The following PLD5 variants were observed in gnomAD, a reference collection of about 807,000 sequenced individuals.
PLD5 encodes inactive phospholipase D5.
PLD5 carries 36 observed loss-of-function variants against 61.1 expected under a neutral mutation model. That is an observed-to-expected ratio of 0.59 (90% CI 0.45 to 0.78). The LOEUF is 0.78. PLD5 is among the 30% of genes least tolerant of loss of function. The pLI, the probability that PLD5 is intolerant of heterozygous loss-of-function variation, is 0.00. For missense variants in PLD5, 515 were observed against 644.4 expected (o/e 0.80, Z 2.17); for synonymous variants, 243 against 242.8 (o/e 1.00, Z -0.01).
chr1:242,360,109 A>C (rs1210688605), intron 1 of PLD5, among the ~76,000 whole-genome samples: 1 of 152,158 alleles, frequency 6.6e-6, no homozygotes, highest in Middle Eastern at 3.2e-3. Context: ...GATCAAAATC[A>C]CTTGTAAAAA....
At position 242,396,668 on chromosome 1, in the gene PLD5, C is replaced by CTTTCTTTTT. The variant is rs1479365427; in HGVS notation, c.190-48427_190-48426insAAAAAGAAA. Among the ~76,000 whole-genome samples the CTTTCTTTTT allele has an allele frequency of 1.1e-3, 142 of 125,088 alleles. 1 individual carries two copies. Among genetic ancestry groups the CTTTCTTTTT allele is most frequent in the South Asian group, 1.8e-3 (7 of 3,842 alleles). The allele number at this position is 125,088 out of a possible 152,430, so 82.1% of individuals were successfully genotyped here. On this transcript the variant is annotated intron_variant, in intron 1 of 9. Coordinates refer to ENST00000536534, the MANE Select transcript of PLD5 (RefSeq NM_001372062.1). ...GCATGCTATTTTCTTTCTTTCTTTT[C>CTTTCTTTTT]TTTTCTTTTTTTTTTTTTTTTTTGA...
At chr1:242,332,752 C>G (rs755004696) in intron 2 of PLD5, among the ~76,000 whole-genome samples, 1 of 152,198 alleles carries the variant, frequency 6.6e-6, no homozygotes, top group Non-Finnish European at 1.5e-5. Flanking sequence ...TGAAGTGTTT[C>G]TAGTCCACAT....
chr1:242,514,571 A>G (rs1303433171), intron 1 of PLD5, among the ~76,000 whole-genome samples: 3 of 152,120 alleles, frequency 2.0e-5, no homozygotes, highest in Non-Finnish European at 4.4e-5. Flanking sequence ...CTTCACATGT[A>G]CCCGCCCAAG....
chr1:242,266,123 C>G (rs772938702), intron 3 of PLD5, among the ~76,000 whole-genome samples: 1 of 152,212 alleles, frequency 6.6e-6, no homozygotes, highest in Non-Finnish European at 1.5e-5. Flanking sequence ...TGCCTCTAAT[C>G]CCAGAACTTT....
At chr1:242,214,300 C>A (rs1024771404) in intron 5 of PLD5, among the ~76,000 whole-genome samples, 2 of 152,196 alleles carry the variant, frequency 1.3e-5, no homozygotes, top group African/African-American at 4.8e-5. Flanking sequence ...CTGATACTGG[C>A]TGTGGAGAAT....
intron 1 of PLD5, among the ~76,000 whole-genome samples, chr1:242,364,558 A>G (rs1261273036): frequency 6.6e-6 from 1 of 152,018 alleles, no homozygotes; most frequent in Non-Finnish European, 1.5e-5. Context: ...CTCTATTAAA[A>G]ATACAAAATT....
rs78242608 is a variant in PLD5, at chr1:242,490,694, A to C, written c.189+33394T>G. Among the ~76,000 whole-genome samples the C allele has an allele frequency of 9.4e-3, 1,424 of 152,284 alleles. 28 individuals are homozygous for C. Among genetic ancestry groups the C allele is most frequent in the African/African-American group, 0.032 (1,323 of 41,548 alleles). ...GTAGAACCCACATCTGCATTACAGA[A>C]TTCCTCAATGTTCATCTCTTTTTTA... On this transcript the variant is annotated intron_variant, in intron 1 of 9. Transcript: ENST00000536534.
At chr1:242,428,899 G>C (rs1665570980) in intron 1 of PLD5, among the ~76,000 whole-genome samples, 2 of 152,188 alleles carry the variant, frequency 1.3e-5, no homozygotes, top group Non-Finnish European at 2.9e-5. Context: ...TGTTCCTTTA[G>C]TTAGGGTCAG....
chr1:242,283,070 C>T (rs1392589313), intron 3 of PLD5, among the ~76,000 whole-genome samples: 3 of 152,120 alleles, frequency 2.0e-5, no homozygotes, highest in Admixed American at 2.0e-4. Flanking sequence ...CAAACAGCAA[C>T]CTTTTGGAGG....
intron 1 of PLD5, among the ~76,000 whole-genome samples, chr1:242,474,541 C>A (rs1328620261): frequency 6.6e-6 from 1 of 152,190 alleles, no homozygotes; most frequent in African/African-American, 2.4e-5. Context: ...AGAGCCTAAA[C>A]TGGTCTCCCT....
At chr1:242,271,299 T>C (rs1018944986) in intron 3 of PLD5, among the ~76,000 whole-genome samples, 1 of 149,288 alleles carries the variant, frequency 6.7e-6, no homozygotes, top group Non-Finnish European at 1.5e-5. Flanking sequence ...AGATACAGCA[T>C]GTGGCTCATA....
chr1:242,105,696 G>GA (rs1340221173), intron 8 of PLD5, among the ~76,000 whole-genome samples: 2 of 151,780 alleles, frequency 1.3e-5, no homozygotes, highest in African/African-American at 4.8e-5. Context: ...AAATAAGTAT[G>GA]AAAAATCCTT....
chr1:242,384,027 C>A (rs6691318), intron 1 of PLD5, among the ~76,000 whole-genome samples: 58,956 of 152,082 alleles, frequency 0.39, 12,116 homozygotes, highest in Admixed American at 0.51. Context: ...TGCAAAATCC[C>A]GCTGACTTCG....
At chr1:242,346,243 A>C (rs1287951187) in intron 2 of PLD5, among the ~76,000 whole-genome samples, 1 of 151,896 alleles carries the variant, frequency 6.6e-6, no homozygotes, top group Non-Finnish European at 1.5e-5. Flanking sequence ...TTAAAAATAA[A>C]AATTAAAGCA....
At chr1:242,347,378 C>G (rs891732812) in intron 2 of PLD5, among the ~76,000 whole-genome samples, 1 of 152,068 alleles carries the variant, frequency 6.6e-6, no homozygotes, top group South Asian at 2.1e-4. Context: ...AGCTTTGCAG[C>G]AATACATATA....
chr1:242,172,445 C>A (rs530321866), intron 5 of PLD5, among the ~76,000 whole-genome samples: 1 of 152,182 alleles, frequency 6.6e-6, no homozygotes, highest in African/African-American at 2.4e-5. Context: ...AAAATCGACA[C>A]CCTAACATCA....
chr1:242,362,567 T>C (rs1438157260), intron 1 of PLD5, among the ~76,000 whole-genome samples: 2 of 152,164 alleles, frequency 1.3e-5, no homozygotes, highest in Non-Finnish European at 2.9e-5. Context: ...GCTGTTATCT[T>C]GAGCTCCTAG....
intron 1 of PLD5, among the ~76,000 whole-genome samples, chr1:242,493,868 T>C (rs1503806): frequency 0.05 from 7,633 of 152,298 alleles, 646 homozygotes; most frequent in African/African-American, 0.17. Context: ...AACCGCTTTC[T>C]TTTTAGTATT....
intron 5 of PLD5, among the ~76,000 whole-genome samples, chr1:242,162,351 G>C (rs532720262): frequency 2.9e-4 from 44 of 152,156 alleles, no homozygotes; most frequent in African/African-American, 1.1e-3. Flanking sequence ...TCCATCAGTC[G>C]TTTCTCCTTG....
Sources: gnomAD v4.1 joint callset for allele counts (sites outside exome capture counted in the v4.1 genomes callset) on GRCh38, gnomAD v4.1.1 for gene constraint, MANE v1.5 for transcripts, NCBI Gene and HGNC (gene_info 2026-07-23, HGNC 2026-07-21) for gene names.